ALG14: variants seen among roughly 807,000 people sequenced by gnomAD.
ALG14 encodes ALG14 UDP-N-acetylglucosaminyltransferase subunit.
ALG14 carries 17 observed loss-of-function variants against 22.8 expected under a neutral mutation model. The ratio of observed to expected loss-of-function variants is 0.75; its 90% CI spans 0.51 to 1.12. The LOEUF (loss-of-function observed/expected upper bound fraction) is 1.12. Ranked by LOEUF, ALG14 falls within the 50% of genes most tolerant of loss-of-function variation. The probability of loss-of-function intolerance (pLI) is 0.00; values close to 1 mark genes in which losing one functional copy is unlikely to be tolerated. For synonymous variants in ALG14, 89 were observed against 103.7 expected, an observed-to-expected ratio of 0.86 and a Z score of 0.86; for missense variants, 288 against 271.8, an observed-to-expected ratio of 1.06 and a Z score of -0.42.
intron 3 of ALG14, among the ~76,000 whole-genome samples, chr1:95,023,185 A>G (rs1302656879): frequency 6.6e-6 from 1 of 151,976 alleles, no homozygotes; most frequent in Non-Finnish European, 1.5e-5. Context: ...CTGGGGTGCA[A>G]TGATCTCAGC....
At chr1:95,013,608 C>A (rs529861558) in intron 3 of ALG14, among the ~76,000 whole-genome samples, 1 of 152,140 alleles carries the variant, frequency 6.6e-6, no homozygotes, top group Non-Finnish European at 1.5e-5. Context: ...CGTGAGCCAA[C>A]GTGCCTGGCC....
intron 2 of ALG14, among the ~76,000 whole-genome samples, chr1:95,051,427 G>A (rs1674746075): frequency 6.6e-6 from 1 of 152,002 alleles, no homozygotes; most frequent in South Asian, 2.1e-4. Flanking sequence ...CTCTCATTTG[G>A]AGCACTGCAA....
chr1:95,000,142 T>C (rs759212353), intron 3 of ALG14, among the ~76,000 whole-genome samples: 8 of 152,342 alleles, frequency 5.3e-5, no homozygotes, highest in Non-Finnish European at 1.0e-4. Context: ...TTCTTCATTA[T>C]TGTGGTTTGA....
chr1:95,035,775 C>A (rs1674166888), intron 2 of ALG14: 1 of 152,156 alleles, frequency 6.6e-6, no homozygotes, highest in South Asian at 2.1e-4. Context: ...GCATCATAAA[C>A]CACAACAGAG....
At chr1:95,021,066 T>C (rs1382652847) in intron 3 of ALG14, among the ~76,000 whole-genome samples, 1 of 152,194 alleles carries the variant, frequency 6.6e-6, no homozygotes, top group African/African-American at 2.4e-5. Flanking sequence ...ATCAAAAAAA[T>C]CCTTAGACGA....
intron 3 of ALG14, among the ~76,000 whole-genome samples, chr1:95,013,175 A>C (rs1673414953): frequency 6.6e-6 from 1 of 151,610 alleles, no homozygotes; most frequent in East Asian, 1.9e-4. Context: ...TCTCATCACA[A>C]ATGTTAGAGT....
At chr1:95,008,343 T>C (rs573592888) in intron 3 of ALG14, among the ~76,000 whole-genome samples, 1 of 152,342 alleles carries the variant, frequency 6.6e-6, no homozygotes, top group East Asian at 1.9e-4. Flanking sequence ...TGAACACTTA[T>C]CACAAAATCC....
intron 1 of ALG14, among the ~76,000 whole-genome samples, chr1:95,070,059 TA>T (rs1286277614): frequency 2.0e-5 from 3 of 151,958 alleles, no homozygotes; most frequent in Admixed American, 6.6e-5. Flanking sequence ...TTAATTAAAT[TA>T]AAAAAATTAT....
chr1:94,999,041 C>A (rs1238814150), intron 3 of ALG14, among the ~76,000 whole-genome samples: 1 of 152,076 alleles, frequency 6.6e-6, no homozygotes, highest in Non-Finnish European at 1.5e-5. Flanking sequence ...TCAGAACAAA[C>A]ACAGGTTTTA....
In ALG14 at chr1:95,072,743, G is replaced by A. The variant is rs754111276; in HGVS notation, c.136+20C>T. 2 of 1,613,220 alleles carry A rather than the reference G, an allele frequency of 1.2e-6. No homozygotes were observed. The highest frequency in any genetic ancestry group is 1.7e-6 in the Non-Finnish European group (2 of 1,179,698). On this transcript the variant is annotated intron_variant, in intron 1 of 3. Coordinates refer to ENST00000370205, the MANE Select transcript of ALG14 (RefSeq NM_144988.4). ...TGTAGTGACCAACCCAAGTCCGACAGTCGCCTCCTCGATACTTACCGGACC... is the reference window on the plus strand; with the variant it reads ...TGTAGTGACCAACCCAAGTCCGACAATCGCCTCCTCGATACTTACCGGACC...
chr1:95,027,393 G>A lies in ALG14; in HGVS notation c.289-133C>T, dbSNP rs1673855089. ...TTTCATTCTAACCACTTTTAAATTAGAGTTGTAATGCCTATCTCATGCTTT... is the reference window on the plus strand; with the variant it reads ...TTTCATTCTAACCACTTTTAAATTAAAGTTGTAATGCCTATCTCATGCTTT... On this transcript the variant is annotated intron_variant, in intron 2 of 3. Coordinates refer to ENST00000370205, the MANE Select transcript of ALG14 (RefSeq NM_144988.4). 7 of 1,058,494 alleles carry A rather than the reference G, an allele frequency of 6.6e-6. No individual in the cohort carries two copies. The South Asian group carries it at 9.6e-5, about 15-fold the overall frequency. The allele number at this position is 1,058,494 out of a possible 1,614,324, so 65.6% of individuals were successfully genotyped here. A position where few individuals can be genotyped will look rare whatever the true frequency, so the allele number is the denominator to read the frequency against.
rs571268267 is a variant in ALG14, at chr1:95,030,068, G to A, written c.289-2808C>T. On this transcript the variant is annotated intron_variant, in intron 2 of 3. Transcript: ENST00000370205. ...TGAAAAACAAGTAATAGGCCAAGCAGTACTGTAGAGTCAAAATCCCTTCTC... is the reference window on the plus strand; with the variant it reads ...TGAAAAACAAGTAATAGGCCAAGCAATACTGTAGAGTCAAAATCCCTTCTC... 8.7e-4 allele frequency among the ~76,000 whole-genome samples: 132 copies of A among 152,292 alleles called. No individual in the cohort carries two copies. The Middle Eastern group carries it at 0.031, about 35-fold the overall frequency.
intron 3 of ALG14, among the ~76,000 whole-genome samples, chr1:95,007,261 G>A (rs1673244106): frequency 6.6e-6 from 1 of 152,116 alleles, no homozygotes. Context: ...ATGTAGGTCT[G>A]GCTAACAAAT....
At chr1:95,036,419 C>CT (rs35068075) in intron 2 of ALG14, among the ~76,000 whole-genome samples, 874 of 71,878 alleles carry the variant, frequency 0.012, 10 homozygotes, top group Non-Finnish European at 0.016. Context: ...AATTAAACCT[C>CT]TTTTTTTTTT....
intron 3 of ALG14, among the ~76,000 whole-genome samples, chr1:95,016,942 G>GTGTGTGT (rs1673510013): frequency 7.7e-6 from 1 of 129,296 alleles, no homozygotes; most frequent in African/African-American, 2.9e-5. Flanking sequence ...TTGCAAAAGG[G>GTGTGTGT]GTGTGTGTGT....
At chr1:95,010,867 A>C (rs1673342992) in intron 3 of ALG14, among the ~76,000 whole-genome samples, 1 of 152,220 alleles carries the variant, frequency 6.6e-6, no homozygotes, top group Non-Finnish European at 1.5e-5. Flanking sequence ...TTCCATATTT[A>C]GTAAAAAGTT....
At chr1:95,004,536 A>T (rs1428421112) in intron 3 of ALG14, among the ~76,000 whole-genome samples, 1 of 151,000 alleles carries the variant, frequency 6.6e-6, no homozygotes, top group Non-Finnish European at 1.5e-5. Context: ...GTCTCGCTCT[A>T]TTGCCCAGGC....
chr1:94,983,491 G>T, intron 3 of ALG14, 185 bp from the exon 4 acceptor site: 1 of 587,490 alleles, frequency 1.7e-6, no homozygotes, highest in Non-Finnish European at 3.0e-6. Context: ...GCCAGGCAGA[G>T]CTGTGTTGTC....
rs1672428173 is a variant in ALG14, at chr1:94,978,018, T to TA, written c.*5057dup. 1 of 152,014 alleles carries TA rather than the reference T, an allele frequency of 6.6e-6. No individual in the cohort carries two copies. Among genetic ancestry groups the TA allele is most frequent in the Admixed American group, 6.6e-5 (1 of 15,254 alleles). The allele number at this position is 152,014 out of a possible 1,614,324, so 9.4% of individuals were successfully genotyped here. On this transcript the variant is annotated 3_prime_UTR_variant, in exon 4 of 4. Transcript: ENST00000370205. ...AACGTTTGTGAAGCACTGGTCTAGATAAAATATAACTGAAGTGAGCCTAGA... is the reference window on the plus strand; with the variant it reads ...AACGTTTGTGAAGCACTGGTCTAGATAAAAATATAACTGAAGTGAGCCTAGA...
Sources: allele counts gnomAD v4.1 joint callset (sites outside exome capture counted in the v4.1 genomes callset), GRCh38; gene constraint gnomAD v4.1.1; transcripts MANE v1.5; gene names NCBI Gene and HGNC (gene_info 2026-07-23, HGNC 2026-07-21).